SDK1: variants seen among roughly 807,000 people sequenced by gnomAD.
SDK1 encodes sidekick cell adhesion molecule 1.
A neutral mutation model predicts 245.5 loss-of-function variants in SDK1; 157 were observed. The ratio of observed to expected loss-of-function variants is 0.64; its 90% CI spans 0.56 to 0.73. The LOEUF (loss-of-function observed/expected upper bound fraction) is 0.73. SDK1 is among the 30% of genes least tolerant of loss of function. The pLI, the probability that SDK1 is intolerant of heterozygous loss-of-function variation, is 0.00. For synonymous variants in SDK1, 1,647 were observed against 1,278.5 expected (o/e 1.29, Z -6.15); for missense variants, 3,583 against 3,002.3 (o/e 1.19, Z -4.52).
chr7:3,785,751 T>G lies in SDK1; in HGVS notation c.714-35699T>G, dbSNP rs9655326. ...TGATTATAAGACTTCTGAGCTCAGA[T>G]TGTGAGTGTGAGGAAAGAGGAGACA... On this transcript the variant is annotated intron_variant, in intron 4 of 44. Coordinates refer to ENST00000404826, the MANE Select transcript of SDK1 (RefSeq NM_152744.4). Among the ~76,000 whole-genome samples the G allele has an allele frequency of 5.6e-3, 848 of 152,150 alleles. 9 individuals are homozygous for G. Among genetic ancestry groups the G allele is most frequent in the African/African-American group, 0.02 (815 of 41,544 alleles).
At chr7:3,421,256 G>C (rs1176273846) in intron 1 of SDK1, among the ~76,000 whole-genome samples, 2 of 151,890 alleles carry the variant, frequency 1.3e-5, no homozygotes, top group Admixed American at 6.6e-5. Flanking sequence ...AATTTTAATA[G>C]AGACAGGGTT....
At chr7:3,859,351 G>A (rs1372088181) in intron 5 of SDK1, among the ~76,000 whole-genome samples, 1 of 152,102 alleles carries the variant, frequency 6.6e-6, no homozygotes, top group Non-Finnish European at 1.5e-5. Flanking sequence ...TGGCATCAGG[G>A]TAGTTGCAGT....
At chr7:3,922,449 T>C (rs971932761) in intron 5 of SDK1, among the ~76,000 whole-genome samples, 1 of 152,246 alleles carries the variant, frequency 6.6e-6, no homozygotes, top group Non-Finnish European at 1.5e-5. Context: ...TCGTGAGATG[T>C]TCCTCCGAAT....
intron 1 of SDK1, among the ~76,000 whole-genome samples, chr7:3,428,259 A>G (rs1156326952): frequency 1.3e-5 from 2 of 152,150 alleles, no homozygotes; most frequent in Admixed American, 6.6e-5. Context: ...AGTTTCTTTT[A>G]TGTAATTATT....
intron 1 of SDK1, among the ~76,000 whole-genome samples, chr7:3,426,257 G>A (rs768509021): frequency 6.6e-6 from 1 of 152,156 alleles, no homozygotes; most frequent in Non-Finnish European, 1.5e-5. Context: ...GGAAGGAACA[G>A]ACTGGCAGGA....
rs74842798 is a variant in SDK1, at chr7:3,725,824, C to G, written c.713+83719C>G. 1.9e-3 allele frequency among the ~76,000 whole-genome samples: 294 copies of G among 152,280 alleles called. 2 individuals carry two copies. The highest frequency in any genetic ancestry group is 6.9e-3 in the African/African-American group (287 of 41,554). On this transcript the variant is annotated intron_variant, in intron 4 of 44. Coordinates refer to ENST00000404826, the MANE Select transcript of SDK1 (RefSeq NM_152744.4). ...GTCACGAATGACATGTGATTTGAAACCACAATTTACTACCGTAATAAAGTT... is the reference window on the plus strand; with the variant it reads ...GTCACGAATGACATGTGATTTGAAAGCACAATTTACTACCGTAATAAAGTT...
intron 22 of SDK1, 76 bp from the exon 23 acceptor site, chr7:4,110,587 C>A: frequency 9.8e-7 from 1 of 1,023,870 alleles, no homozygotes; most frequent in East Asian, 2.4e-5. Context: ...CAGGTACCAG[C>A]AGGTGCACAT....
intron 1 of SDK1, among the ~76,000 whole-genome samples, chr7:3,373,869 C>T (rs894356805): frequency 1.3e-5 from 2 of 152,094 alleles, no homozygotes; most frequent in Non-Finnish European, 2.9e-5. Context: ...AGACCTCATT[C>T]ACAATCACAA....
intron 22 of SDK1, among the ~76,000 whole-genome samples, chr7:4,103,007 C>T (rs1451723262): frequency 7.4e-6 from 1 of 135,202 alleles, no homozygotes; most frequent in Non-Finnish European, 1.6e-5. Flanking sequence ...CCCCACAGAG[C>T]TTTTTTTTTT....
intron 1 of SDK1, among the ~76,000 whole-genome samples, chr7:3,543,130 A>G (rs1169523265): frequency 6.6e-6 from 1 of 152,260 alleles, no homozygotes; most frequent in Non-Finnish European, 1.5e-5. Flanking sequence ...CTCCAAAGTA[A>G]CGGAGGTTAT....
intron 1 of SDK1, among the ~76,000 whole-genome samples, chr7:3,420,034 A>G (rs1273676751): frequency 6.6e-6 from 1 of 152,182 alleles, no homozygotes; most frequent in African/African-American, 2.4e-5. Flanking sequence ...GGTTTTTGAA[A>G]TCTGTCTCTG....
At chr7:3,487,635 G>T (rs73038567) in intron 1 of SDK1, among the ~76,000 whole-genome samples, 4,799 of 151,062 alleles carry the variant, frequency 0.032, 126 homozygotes, top group African/African-American at 0.058. Context: ...TGCACCTGTA[G>T]TCCCAGCTAT....
intron 1 of SDK1, among the ~76,000 whole-genome samples, chr7:3,306,371 C>T (rs1159680081): frequency 6.6e-6 from 1 of 152,144 alleles, no homozygotes; most frequent in Non-Finnish European, 1.5e-5. Context: ...TCATGATGGT[C>T]TGTTGGCAGA....
intron 32 of SDK1, among the ~76,000 whole-genome samples, chr7:4,173,937 C>T (rs1782011225): frequency 1.3e-5 from 2 of 152,200 alleles, no homozygotes; most frequent in African/African-American, 4.8e-5. Context: ...AGCCTCCTGC[C>T]CCAGCCTGGG....
chr7:4,234,962 G>A (rs760360522), intron 41 of SDK1, among the ~76,000 whole-genome samples: 10 of 152,174 alleles, frequency 6.6e-5, no homozygotes, highest in Non-Finnish European at 1.0e-4. Context: ...TCTCCTCTGC[G>A]TTAGAGCTGC....
intron 2 of SDK1, among the ~76,000 whole-genome samples, chr7:3,626,534 G>T (rs1782126511): frequency 6.6e-6 from 1 of 152,156 alleles, no homozygotes; most frequent in South Asian, 2.1e-4. Context: ...GTGCTGGGTG[G>T]CCCAGGCCCT....
At chr7:4,043,324 G>T (rs1040565743) in intron 17 of SDK1, among the ~76,000 whole-genome samples, 16 of 122,084 alleles carry the variant, frequency 1.3e-4, no homozygotes, top group East Asian at 1.2e-3. Flanking sequence ...AGTCACAGCC[G>T]GGGGCCCAGG....
At chr7:3,922,613 G>T (rs768556617) in intron 5 of SDK1, among the ~76,000 whole-genome samples, 3 of 152,334 alleles carry the variant, frequency 2.0e-5, no homozygotes, top group Non-Finnish European at 4.4e-5. Context: ...ATGTCCCAGA[G>T]AAGAAATCTA....
intron 35 of SDK1, among the ~76,000 whole-genome samples, chr7:4,198,552 C>T (rs1357359917): frequency 6.6e-6 from 1 of 152,208 alleles, no homozygotes; most frequent in Non-Finnish European, 1.5e-5. Flanking sequence ...TTTATTGGAA[C>T]ACCGCCACAC....
Sources: gnomAD v4.1 joint callset for allele counts (sites outside exome capture counted in the v4.1 genomes callset) on GRCh38, gnomAD v4.1.1 for gene constraint, MANE v1.5 for transcripts, NCBI Gene and HGNC (gene_info 2026-07-23, HGNC 2026-07-21) for gene names.